ZNF407: variants seen among roughly 807,000 people sequenced by gnomAD.
ZNF407 encodes the protein zinc finger protein 407.
A neutral mutation model predicts 131.2 loss-of-function variants in ZNF407; 17 were observed. The ratio of observed to expected loss-of-function variants is 0.13; its 90% CI spans 0.09 to 0.19. The LOEUF is 0.19. Ranked by LOEUF, ZNF407 falls within the 10% of genes least tolerant of loss-of-function variation. The pLI, the probability that ZNF407 is intolerant of heterozygous loss-of-function variation, is 1.00. For missense variants in ZNF407, 2,681 were observed against 2,830.6 expected (o/e 0.95, Z 1.20); for synonymous variants, 1,156 against 1,062.0 (o/e 1.09, Z -1.72).
intron 4 of ZNF407, among the ~76,000 whole-genome samples, chr18:74,798,209 A>AACACACACACACAC (rs35388545): frequency 0.1 from 15,449 of 147,708 alleles, 1,039 homozygotes; most frequent in Non-Finnish European, 0.15. Flanking sequence ...CCTTTACACA[A>AACACACACACACAC]ACACACACAC....
At chr18:74,729,446 A>T (rs1456906288) in intron 3 of ZNF407, among the ~76,000 whole-genome samples, 5 of 151,732 alleles carry the variant, frequency 3.3e-5, no homozygotes, top group Non-Finnish European at 7.4e-5. Flanking sequence ...CATAGTATGG[A>T]TTCTCATGTG....
intron 8 of ZNF407, among the ~76,000 whole-genome samples, chr18:75,019,501 A>G (rs56316234): frequency 0.14 from 21,932 of 152,138 alleles, 1,805 homozygotes; most frequent in Admixed American, 0.27. Flanking sequence ...ATTGCTTTTT[A>G]AATTATTTTA....
At chr18:74,728,302 T>A (rs1168988239) in intron 3 of ZNF407, among the ~76,000 whole-genome samples, 1 of 152,154 alleles carries the variant, frequency 6.6e-6, no homozygotes, top group Non-Finnish European at 1.5e-5. Flanking sequence ...AGAGACTGTT[T>A]CAGAAGTTAG....
intron 1 of ZNF407, among the ~76,000 whole-genome samples, chr18:74,624,528 C>T (rs1051375776): frequency 5.9e-5 from 9 of 152,196 alleles, no homozygotes; most frequent in Non-Finnish European, 1.2e-4. Context: ...GCTCTTTCTG[C>T]CTTTAGATTG....
At chr18:74,970,171 C>G (rs1274237023) in intron 8 of ZNF407, among the ~76,000 whole-genome samples, 1 of 151,966 alleles carries the variant, frequency 6.6e-6, no homozygotes, top group Admixed American at 6.6e-5. Flanking sequence ...ACCCCCGCCC[C>G]CCTCCAGTCC....
chr18:74,755,375 G>A (rs1236826762), intron 3 of ZNF407, among the ~76,000 whole-genome samples: 2 of 152,072 alleles, frequency 1.3e-5, no homozygotes, highest in African/African-American at 4.8e-5. Flanking sequence ...GTGTGAATTT[G>A]ATCCTGTCAT....
chr18:74,699,028 A>G (rs556862646), intron 3 of ZNF407, among the ~76,000 whole-genome samples: 43 of 152,208 alleles, frequency 2.8e-4, no homozygotes, highest in Non-Finnish European at 5.6e-4. Context: ...GCAGTGAAGA[A>G]CACCTAGCAT....
intron 5 of ZNF407, among the ~76,000 whole-genome samples, chr18:74,878,442 G>A (rs1259122644): frequency 6.6e-6 from 1 of 152,142 alleles, no homozygotes; most frequent in African/African-American, 2.4e-5. Flanking sequence ...GGGTGTTGAC[G>A]ATTTAAGGTC....
chr18:75,063,827 G>C lies in ZNF407; in HGVS notation c.6106G>C (p.Glu2036Gln). 1.2e-6 allele frequency: 2 copies of C among 1,607,538 alleles called. No homozygotes were observed. The highest frequency in any genetic ancestry group is 1.7e-6 in the Non-Finnish European group (2 of 1,179,002). Residue 2036 changes from glutamate (E) to glutamine (Q), a missense_variant, in exon 9 of 9, where the codon GAG becomes CAG. Glu to Gln is a conservative substitution (Grantham distance 29). Coordinates refer to ENST00000299687, the MANE Select transcript of ZNF407 (RefSeq NM_017757.3). The surrounding 1 kb of genome is among the most constrained non-coding windows in gnomAD (Gnocchi z 6.6). ...GGTCTCCCATGTGGCTGCCGACCCCGAGGCCCCCGAGATCCAGATGTTCCC... is the reference window on the plus strand; with the variant it reads ...GGTCTCCCATGTGGCTGCCGACCCCCAGGCCCCCGAGATCCAGATGTTCCC... ...QEVSHVAADP[E>Q]APEIQMFPQA...
chr18:74,641,987 C>T (rs1294044989), intron 3 of ZNF407, among the ~76,000 whole-genome samples: 2 of 150,090 alleles, frequency 1.3e-5, no homozygotes, highest in Non-Finnish European at 3.0e-5. Context: ...ACCACAGGCC[C>T]AATTACATTA....
At chr18:74,937,877 A>T (rs1972055969) in intron 8 of ZNF407, among the ~76,000 whole-genome samples, 1 of 152,172 alleles carries the variant, frequency 6.6e-6, no homozygotes, top group Admixed American at 6.5e-5. Context: ...AATTTCACAG[A>T]TATTTTTCTG....
At chr18:74,711,496 A>T (rs1436624379) in intron 3 of ZNF407, among the ~76,000 whole-genome samples, 2 of 152,190 alleles carry the variant, frequency 1.3e-5, no homozygotes, top group Non-Finnish European at 2.9e-5. Context: ...AGAAGGGGCC[A>T]TGAGCCAGCA....
chr18:74,624,024 A>C (rs1322751900), intron 1 of ZNF407, among the ~76,000 whole-genome samples: 2 of 152,198 alleles, frequency 1.3e-5, no homozygotes, highest in Non-Finnish European at 2.9e-5. Context: ...AGGTCTTCTC[A>C]ATCTTGAAAC....
intron 4 of ZNF407, among the ~76,000 whole-genome samples, chr18:74,819,913 T>G (rs902874388): frequency 1.9e-4 from 29 of 152,220 alleles, no homozygotes; most frequent in African/African-American, 6.3e-4. Flanking sequence ...TTGTTCATTG[T>G]GCTGCCTCTA....
At position 75,064,781 on chromosome 18, in the gene ZNF407, A is replaced by G; in HGVS notation, c.*313A>G. On this transcript the variant is annotated 3_prime_UTR_variant, in exon 9 of 9. Transcript: ENST00000299687. ...CCGCTTCGTCCTGGCCGCTGTGCTGAAGAGAAGCCAAGTGTTGTTGGTGTT... is the reference window on the plus strand; with the variant it reads ...CCGCTTCGTCCTGGCCGCTGTGCTGGAGAGAAGCCAAGTGTTGTTGGTGTT... 1.4e-5 allele frequency: 4 copies of G among 278,264 alleles called. No homozygotes were observed. Among genetic ancestry groups the G allele is most frequent in the Non-Finnish European group, 2.0e-5 (3 of 148,308 alleles). The allele number at this position is 278,264 out of a possible 1,614,324, so 17.2% of individuals were successfully genotyped here.
At chr18:74,730,417 G>A (rs1280168190) in intron 3 of ZNF407, among the ~76,000 whole-genome samples, 1 of 152,128 alleles carries the variant, frequency 6.6e-6, no homozygotes, top group Non-Finnish European at 1.5e-5. Context: ...TTGATACTTG[G>A]ATGTTTCACT....
Position 74,654,976 on chromosome 18 carries a change from A to ATT in ZNF407, c.4802+13854_4802+13855insTT, listed in dbSNP as rs1397333030. 1.4e-4 allele frequency among the ~76,000 whole-genome samples: 21 copies of ATT among 151,960 alleles called. 1 individual carries two copies. The highest frequency in any genetic ancestry group is 5.1e-4 in the African/African-American group (21 of 41,442). On this transcript the variant is annotated intron_variant, in intron 3 of 8. Transcript: ENST00000299687. ...TTAGTCATCTAATGTTATTTTTTAA[A>ATT]GAACGTATTTTAAAAATGACTAAAA... is the stretch of plus-strand genomic sequence containing the variant.
At chr18:74,698,104 T>C (rs576522772) in intron 3 of ZNF407, among the ~76,000 whole-genome samples, 1 of 152,196 alleles carries the variant, frequency 6.6e-6, no homozygotes, top group African/African-American at 2.4e-5. Context: ...CTAAAAGCGA[T>C]CTATTATTTT....
chr18:74,763,196 CTTTTTTTTTTTTTTTT>C (rs71170316), intron 3 of ZNF407, among the ~76,000 whole-genome samples: 474 of 17,804 alleles, frequency 0.027, 22 homozygotes, highest in Admixed American at 0.075. Context: ...TTCTTAGGAC[CTTTTTTTTTTTTTTTT>C]TTTTTTTTTT....
Sources: allele counts gnomAD v4.1 joint callset (sites outside exome capture counted in the v4.1 genomes callset), GRCh38; gene constraint gnomAD v4.1.1; non-coding constraint Gnocchi (gnomAD v3.1); transcripts MANE v1.5; gene names NCBI Gene and HGNC (gene_info 2026-07-23, HGNC 2026-07-21).